PARD3B: variants seen among roughly 807,000 people sequenced by gnomAD.
PARD3B encodes par-3 family cell polarity regulator beta.
PARD3B carries 103 observed loss-of-function variants against 130.2 expected under a neutral mutation model. That is an observed-to-expected ratio of 0.79 (90% CI 0.67 to 0.93). The LOEUF (loss-of-function observed/expected upper bound fraction) is 0.93. Ranked by LOEUF, PARD3B falls within the 40% of genes least tolerant of loss-of-function variation. The pLI is 0.00. For missense variants in PARD3B, 1,609 were observed against 1,499.2 expected, an observed-to-expected ratio of 1.07 and a Z score of -1.21; for synonymous variants, 583 against 553.2, an observed-to-expected ratio of 1.05 and a Z score of -0.76.
At chr2:204,593,712 T>C (rs1028063151) in intron 1 of PARD3B, among the ~76,000 whole-genome samples, 1 of 152,158 alleles carries the variant, frequency 6.6e-6, no homozygotes, top group Non-Finnish European at 1.5e-5. Context: ...AGAAGTATCA[T>C]TTCTATTAAC....
At chr2:205,168,093 G>A (rs1042595550) in intron 11 of PARD3B, among the ~76,000 whole-genome samples, 1 of 152,158 alleles carries the variant, frequency 6.6e-6, no homozygotes, top group Non-Finnish European at 1.5e-5. Flanking sequence ...CACTGAAGAA[G>A]TTACATTTTG....
intron 16 of PARD3B, among the ~76,000 whole-genome samples, chr2:205,294,241 C>A (rs2041709108): frequency 1.3e-5 from 2 of 151,930 alleles, no homozygotes; most frequent in African/African-American, 4.8e-5. Flanking sequence ...AGTTGCCCTA[C>A]CAGAATCTAC....
Position 204,893,698 on chromosome 2 carries a change from A to C in PARD3B, c.223-71454A>C, listed in dbSNP as rs551489099. Among the ~76,000 whole-genome samples the C allele has an allele frequency of 1.8e-4, 27 of 152,286 alleles. No homozygotes were observed. The South Asian group carries it at 5.0e-3, about 28-fold the overall frequency. ...ATAAGGCATGTTTTGTCTCATAGTA[A>C]GTCTTGAAAACCCATGTGTATTTTA... is the stretch of plus-strand genomic sequence containing the variant. On this transcript the variant is annotated intron_variant, in intron 2 of 22. Coordinates refer to ENST00000406610, the MANE Select transcript of PARD3B (RefSeq NM_001302769.2).
At chr2:205,098,715 C>T (rs79907866) in intron 4 of PARD3B, among the ~76,000 whole-genome samples, 7,270 of 152,090 alleles carry the variant, frequency 0.048, 228 homozygotes, top group Middle Eastern at 0.15. Flanking sequence ...CTGGAGAGAC[C>T]GTTGCCCCTC....
chr2:205,540,584 G>A (rs189292180), intron 21 of PARD3B, among the ~76,000 whole-genome samples: 83 of 152,274 alleles, frequency 5.5e-4, no homozygotes, highest in African/African-American at 1.9e-3. Context: ...CAGGGTTGCA[G>A]TAATATTTCT....
chr2:205,393,656 G>C (rs536569601), intron 18 of PARD3B, among the ~76,000 whole-genome samples: 32 of 152,276 alleles, frequency 2.1e-4, no homozygotes, highest in Non-Finnish European at 3.4e-4. Context: ...CATTGCTCAG[G>C]ATCACTTTTG....
At chr2:205,213,518 CGT>C (rs1191987382) in intron 15 of PARD3B, among the ~76,000 whole-genome samples, 1 of 152,102 alleles carries the variant, frequency 6.6e-6, no homozygotes, top group Non-Finnish European at 1.5e-5. Flanking sequence ...TCAGAAACCC[CGT>C]GGACCACGAT....
chr2:205,396,269 G>A (rs1233675694), intron 18 of PARD3B, among the ~76,000 whole-genome samples: 1 of 152,046 alleles, frequency 6.6e-6, no homozygotes, highest in African/African-American at 2.4e-5. Flanking sequence ...TAACAATTAT[G>A]GATATATACT....
intron 2 of PARD3B, among the ~76,000 whole-genome samples, chr2:204,883,433 A>ATAT (rs2046138404): frequency 9.5e-6 from 1 of 105,774 alleles, no homozygotes; most frequent in African/African-American, 4.3e-5. Flanking sequence ...TATATATATA[A>ATAT]AATATATATA....
intron 16 of PARD3B, among the ~76,000 whole-genome samples, chr2:205,285,612 G>A (rs2041364141): frequency 6.6e-6 from 1 of 152,116 alleles, no homozygotes; most frequent in Non-Finnish European, 1.5e-5. Context: ...GTGGACACAT[G>A]GCTGGGCTTG....
At chr2:205,086,206 T>G (rs1291780736) in intron 4 of PARD3B, among the ~76,000 whole-genome samples, 1 of 152,198 alleles carries the variant, frequency 6.6e-6, no homozygotes, top group East Asian at 1.9e-4. Flanking sequence ...TAGTGAAGCC[T>G]TCAACAAGCC....
intron 19 of PARD3B, among the ~76,000 whole-genome samples, chr2:205,408,705 T>C (rs1324713931): frequency 6.6e-6 from 1 of 152,196 alleles, no homozygotes; most frequent in Non-Finnish European, 1.5e-5. Context: ...TTTACTGAAC[T>C]TAATAACTTT....
At chr2:204,855,472 G>T (rs1300792991) in intron 2 of PARD3B, among the ~76,000 whole-genome samples, 1 of 151,384 alleles carries the variant, frequency 6.6e-6, no homozygotes, top group Non-Finnish European at 1.5e-5. Flanking sequence ...AACCCAGGAG[G>T]CAGAGGTTGC....
At chr2:205,221,977 A>G (rs2038265422) in intron 15 of PARD3B, among the ~76,000 whole-genome samples, 1 of 152,110 alleles carries the variant, frequency 6.6e-6, no homozygotes, top group Non-Finnish European at 1.5e-5. Context: ...GAGGAGGGAG[A>G]GGATCAGGAA....
intron 16 of PARD3B, among the ~76,000 whole-genome samples, chr2:205,254,856 G>C (rs1463022669): frequency 1.3e-5 from 2 of 151,518 alleles, no homozygotes; most frequent in Admixed American, 6.6e-5. Context: ...AGTAGAGACG[G>C]GGTTTCACCA....
At chr2:204,667,870 A>G (rs1013420427) in intron 1 of PARD3B, among the ~76,000 whole-genome samples, 1 of 152,122 alleles carries the variant, frequency 6.6e-6, no homozygotes, top group African/African-American at 2.4e-5. Flanking sequence ...AAATTTTTGG[A>G]CTCTGCCTTT....
rs1575112850 is a variant in PARD3B at position 205,475,120 on chromosome 2, C to G, written c.3045-24776C>G. Among the ~76,000 whole-genome samples, 2 of 152,252 alleles carry G rather than the reference C, an allele frequency of 1.3e-5. 1 individual carries two copies. The highest frequency in any genetic ancestry group is 4.8e-5 in the African/African-American group (2 of 41,568). The stretch of plus-strand genomic sequence containing the variant: ...GCACCCAGGTCTTTTATGCACTGAA[C>G]TAAGCTATATCTACTTGGACCTTGT... On this transcript the variant is annotated intron_variant, in intron 20 of 22. Coordinates refer to ENST00000406610, the MANE Select transcript of PARD3B (RefSeq NM_001302769.2).
chr2:204,895,218 T>C (rs1430100678), intron 2 of PARD3B, among the ~76,000 whole-genome samples: 1 of 152,104 alleles, frequency 6.6e-6, no homozygotes, highest in Non-Finnish European at 1.5e-5. Flanking sequence ...GAAAAGTAGT[T>C]TATTTTCCTT....
intron 18 of PARD3B, among the ~76,000 whole-genome samples, chr2:205,383,085 T>TAGAC (rs2045513802): frequency 1.3e-5 from 1 of 76,436 alleles, no homozygotes; most frequent in South Asian, 3.6e-4. Context: ...AAAGTTTACA[T>TAGAC]AGATAGATAG....
Sources: allele counts gnomAD v4.1 joint callset (sites outside exome capture counted in the v4.1 genomes callset), GRCh38; gene constraint gnomAD v4.1.1; transcripts MANE v1.5; gene names NCBI Gene and HGNC (gene_info 2026-07-23, HGNC 2026-07-21).